MTA3: variants seen among roughly 807,000 people sequenced by gnomAD.
The protein encoded by MTA3 is metastasis-associated protein MTA3.
In MTA3, 34 loss-of-function variants were observed where a neutral mutation model predicts 83.5. The ratio of observed to expected loss-of-function variants is 0.41; its 90% CI spans 0.31 to 0.54. The LOEUF is 0.54. Ranked by LOEUF, MTA3 falls within the 20% of genes least tolerant of loss-of-function variation. The probability of loss-of-function intolerance (pLI) is 0.33; values close to 1 mark genes in which losing one functional copy is unlikely to be tolerated. For synonymous variants in MTA3, 303 were observed against 252.7 expected (o/e 1.20, Z -1.89); for missense variants, 761 against 726.4 (o/e 1.05, Z -0.55).
intron 2 of MTA3, among the ~76,000 whole-genome samples, chr2:42,577,712 C>G (rs569310902): frequency 3.9e-5 from 6 of 152,120 alleles, no homozygotes; most frequent in African/African-American, 1.4e-4. Flanking sequence ...AACTCCTGAC[C>G]TCGTGATCTG....
chr2:42,553,870 C>CAAAAAAA (rs34637052), intron 2 of MTA3, among the ~76,000 whole-genome samples: 2 of 90,262 alleles, frequency 2.2e-5, no homozygotes, highest in Non-Finnish European at 4.3e-5. Context: ...GACTCCATCT[C>CAAAAAAA]AAAAAAAAAA....
chr2:42,623,001 A>G (rs1444105537), intron 4 of MTA3, among the ~76,000 whole-genome samples: 1 of 152,256 alleles, frequency 6.6e-6, no homozygotes, highest in Non-Finnish European at 1.5e-5. Context: ...ATTCACAAGT[A>G]TAATACAACT....
At chr2:42,587,107 A>G (rs1486830838) in intron 3 of MTA3, among the ~76,000 whole-genome samples, 1 of 150,418 alleles carries the variant, frequency 6.6e-6, no homozygotes, top group Non-Finnish European at 1.5e-5. Flanking sequence ...GCAGGAGAAT[A>G]CCTTGAACCC....
At chr2:42,574,691 G>A (rs1678857107) in intron 2 of MTA3, among the ~76,000 whole-genome samples, 1 of 152,188 alleles carries the variant, frequency 6.6e-6, no homozygotes, top group African/African-American at 2.4e-5. Flanking sequence ...CTCCCAAAGT[G>A]CTGGGATTAC....
At chr2:42,503,554 T>C (rs1674493970) in intron 2 of MTA3, among the ~76,000 whole-genome samples, 2 of 152,228 alleles carry the variant, frequency 1.3e-5, no homozygotes, top group African/African-American at 4.8e-5. Context: ...TCTGAAATTT[T>C]AAACTACTGT....
chr2:42,643,310 G>C (rs912241508), intron 5 of MTA3, among the ~76,000 whole-genome samples: 7 of 152,120 alleles, frequency 4.6e-5, no homozygotes, highest in Admixed American at 1.3e-4. Context: ...CTGGGCAGCC[G>C]ATAACCTTTG....
intron 8 of MTA3, among the ~76,000 whole-genome samples, chr2:42,676,411 G>A (rs956929796): frequency 6.6e-6 from 1 of 152,198 alleles, no homozygotes; most frequent in Non-Finnish European, 1.5e-5. Flanking sequence ...GGTTGGTGTA[G>A]CATCAGCTGA....
chr2:42,591,408 T>A (rs1680974181), intron 3 of MTA3, among the ~76,000 whole-genome samples: 1 of 152,178 alleles, frequency 6.6e-6, no homozygotes, highest in Non-Finnish European at 1.5e-5. Context: ...TGTACACCAC[T>A]GTAGACTTAC....
chr2:42,650,419 GTGTTTGTTTGGGGTTTTTT>G (rs749633553), intron 6 of MTA3, among the ~76,000 whole-genome samples: 7 of 151,930 alleles, frequency 4.6e-5, no homozygotes, highest in Admixed American at 1.3e-4. Context: ...ACATTTGATT[GTGTTTGTTTGGGGTTTTTT>G]TGTTTTTTTG....
intron 6 of MTA3, 72 bp downstream of exon 6, chr2:42,644,316 G>T (rs1422821164): frequency 4.2e-6 from 4 of 960,388 alleles, no homozygotes; most frequent in African/African-American, 3.3e-5. Context: ...ATGTCCTCAT[G>T]TAGAAGAGGC....
intron 12 of MTA3, among the ~76,000 whole-genome samples, chr2:42,707,221 G>T (rs937404082): frequency 4.6e-5 from 7 of 151,928 alleles, no homozygotes. Context: ...CTGAACCCTG[G>T]GTTTGGAAAC....
chr2:42,654,286 T>C lies in MTA3; in HGVS notation c.500-1914T>C, dbSNP rs564672180. On this transcript the variant is annotated intron_variant, in intron 6 of 16. Transcript: ENST00000405094. ...GCCTGCTTCTGTCCTCTCCTTTCCA[T>C]TGATACCTGCTTGCTCCTATACTAG... is the stretch of plus-strand genomic sequence containing the variant. 2.0e-5 allele frequency among the ~76,000 whole-genome samples: 3 copies of C among 152,316 alleles called. No homozygotes were observed. In the East Asian group the frequency reaches 5.8e-4, roughly 29 times the overall value.
rs1291039779 is a variant in MTA3 at position 42,505,553 on chromosome 2, C to T, written c.-141+10299C>T. Among the ~76,000 whole-genome samples, 5 of 152,062 alleles carry T rather than the reference C, an allele frequency of 3.3e-5. 1 individual carries two copies. Among genetic ancestry groups the T allele is most frequent in the Non-Finnish European group, 5.9e-5 (4 of 68,024 alleles). On this transcript the variant is annotated intron_variant, in intron 2 of 17. Transcript: ENST00000405592. The stretch of plus-strand genomic sequence containing the variant: ...CCTCTCTACCAAGCACTAAGCACCC[C>T]CCTGGAGGGAGGAACCAGTTAGGTG...
chr2:42,549,544 C>T (rs1490630362), intron 2 of MTA3, among the ~76,000 whole-genome samples: 13 of 52,438 alleles, frequency 2.5e-4, no homozygotes, highest in Non-Finnish European at 3.3e-4. Context: ...ACATATATTA[C>T]ATAATATATA....
At chr2:42,637,539 T>A (rs1687313610) in intron 4 of MTA3, among the ~76,000 whole-genome samples, 1 of 152,242 alleles carries the variant, frequency 6.6e-6, no homozygotes, top group Non-Finnish European at 1.5e-5. Flanking sequence ...ACCACTTTTA[T>A]CAACAACTCT....
intron 2 of MTA3, among the ~76,000 whole-genome samples, chr2:42,513,554 G>C (rs1173513278): frequency 6.6e-6 from 1 of 152,168 alleles, no homozygotes; most frequent in Non-Finnish European, 1.5e-5. Flanking sequence ...CCTAGCGAGA[G>C]ACCCAGCTCC....
intron 11 of MTA3, chr2:42,702,430 G>C (rs1456585870): frequency 6.6e-6 from 1 of 152,168 alleles, no homozygotes; most frequent in Non-Finnish European, 1.5e-5. Context: ...GGTCTTTGCT[G>C]TCAGGCCAGA....
intron 9 of MTA3, among the ~76,000 whole-genome samples, chr2:42,694,060 A>G (rs2099708): frequency 6.6e-6 from 1 of 152,128 alleles, no homozygotes; most frequent in East Asian, 1.9e-4. Context: ...TATAGGAGCT[A>G]GGGCCTGGAA....
intron 9 of MTA3, among the ~76,000 whole-genome samples, chr2:42,694,485 C>T (rs984402432): frequency 8.5e-5 from 13 of 152,214 alleles, no homozygotes; most frequent in Non-Finnish European, 1.9e-4. Flanking sequence ...CAGATTCTCC[C>T]TCCCTACACA....
Sources: allele counts gnomAD v4.1 joint callset (sites outside exome capture counted in the v4.1 genomes callset), GRCh38; gene constraint gnomAD v4.1.1; transcripts MANE v1.5; gene names NCBI Gene and HGNC (gene_info 2026-07-23, HGNC 2026-07-21).